LPP: variants seen among roughly 807,000 people sequenced by gnomAD.
LPP encodes LIM domain containing preferred translocation partner in lipoma.
LPP carries 38 observed loss-of-function variants against 60.4 expected under a neutral mutation model. The observed-to-expected ratio is 0.63, with a 90% CI of 0.49 to 0.83. The LOEUF is 0.83. Ranked by LOEUF, LPP falls within the 40% of genes least tolerant of loss-of-function variation. The pLI, the probability that LPP is intolerant of heterozygous loss-of-function variation, is 0.00. For synonymous variants in LPP, 328 were observed against 290.8 expected (o/e 1.13, Z -1.30); for missense variants, 902 against 783.6 (o/e 1.15, Z -1.80).
chr3:188,203,533 A>AAT (rs1732050026), intron 1 of LPP, among the ~76,000 whole-genome samples: 1 of 91,164 alleles, frequency 1.1e-5, no homozygotes, highest in Non-Finnish European at 1.9e-5. Context: ...ATAAATATAT[A>AAT]TTTAAATATA....
At chr3:188,436,575 G>C (rs1302226196) in intron 4 of LPP, among the ~76,000 whole-genome samples, 1 of 152,116 alleles carries the variant, frequency 6.6e-6, no homozygotes, top group African/African-American at 2.4e-5. Context: ...CCCGATATCT[G>C]TTCAGTACTG....
At chr3:188,435,959 G>A (rs896878917) in intron 4 of LPP, among the ~76,000 whole-genome samples, 1 of 152,016 alleles carries the variant, frequency 6.6e-6, no homozygotes, top group Non-Finnish European at 1.5e-5. Flanking sequence ...GCCATAGATC[G>A]CTTCTAAAGC....
rs189419446 is a variant in LPP at position 188,355,917 on chromosome 3, C to T, written c.-10+14198C>T. ...ACATTTGAGTTGCGTGTCTCCCACACCTCACACAAAGGCGGCTATGTTTTG... is the reference window on the plus strand; with the variant it reads ...ACATTTGAGTTGCGTGTCTCCCACATCTCACACAAAGGCGGCTATGTTTTG... On this transcript the variant is annotated intron_variant, in intron 3 of 11. Coordinates refer to ENST00000617246, the MANE Select transcript of LPP (RefSeq NM_001375462.1). Among the ~76,000 whole-genome samples, 188 of 152,256 alleles carry T rather than the reference C, an allele frequency of 1.2e-3. 1 individual carries two copies. The highest frequency in any genetic ancestry group is 2.4e-3 in the Non-Finnish European group (163 of 68,032).
At chr3:188,268,402 A>C (rs955622255) in intron 2 of LPP, among the ~76,000 whole-genome samples, 15 of 152,266 alleles carry the variant, frequency 9.9e-5, no homozygotes, top group African/African-American at 3.1e-4. Flanking sequence ...GCAGGCCCCA[A>C]ACCAGATAAT....
intron 4 of LPP, among the ~76,000 whole-genome samples, chr3:188,458,971 C>A (rs1342079879): frequency 6.6e-6 from 1 of 151,696 alleles, no homozygotes; most frequent in Non-Finnish European, 1.5e-5. Context: ...TTTGGAGAGA[C>A]CCCAGGTTGA....
intron 6 of LPP, among the ~76,000 whole-genome samples, chr3:188,602,332 A>C (rs1215400429): frequency 2.0e-5 from 3 of 150,672 alleles, no homozygotes; most frequent in African/African-American, 7.3e-5. Context: ...TGACTCAAGA[A>C]AGCAAATTTA....
chr3:188,434,223 A>G (rs1009005251), intron 4 of LPP, among the ~76,000 whole-genome samples: 16 of 152,206 alleles, frequency 1.1e-4, no homozygotes, highest in African/African-American at 3.4e-4. Flanking sequence ...AACACATAGT[A>G]CATTGACAAG....
chr3:188,573,389 A>C (rs1452527560), intron 6 of LPP, among the ~76,000 whole-genome samples: 1 of 152,016 alleles, frequency 6.6e-6, no homozygotes, highest in Non-Finnish European at 1.5e-5. Flanking sequence ...AGCCTCCCTA[A>C]AATTTCACCT....
intron 7 of LPP, among the ~76,000 whole-genome samples, chr3:188,702,365 TACGCAA>T: frequency 6.6e-6 from 1 of 151,572 alleles, no homozygotes; most frequent in Non-Finnish European, 1.5e-5. Context: ...CCGGCTGTTG[TACGCAA>T]TTTATTCTTC....
intron 4 of LPP, among the ~76,000 whole-genome samples, chr3:188,461,663 TTAAG>T (rs1423698589): frequency 1.3e-5 from 2 of 152,196 alleles, no homozygotes; most frequent in Non-Finnish European, 1.5e-5. Flanking sequence ...ACAGAATTTA[TTAAG>T]TATTTTTAAT....
At chr3:188,753,573 T>TTGTGCG (rs1553829816) in intron 8 of LPP, among the ~76,000 whole-genome samples, 1,451 of 118,224 alleles carry the variant, frequency 0.012, 14 homozygotes, top group South Asian at 0.023. Context: ...TTTTGGCTTG[T>TTGTGCG]TGTGTGCGTG....
At position 188,254,947 on chromosome 3, in the gene LPP, C is replaced by G. The variant is rs1218877947; in HGVS notation, c.-67+29420C>G. On this transcript the variant is annotated intron_variant, in intron 2 of 11. Transcript: ENST00000617246. The stretch of plus-strand genomic sequence containing the variant: ...TTCTCTGTGTAGTACTGGATAAATA[C>G]AGATAAATTCTACACCCTGACTTAC... Among the ~76,000 whole-genome samples the G allele has an allele frequency of 1.3e-5, 2 of 152,164 alleles. 1 individual carries two copies. The highest frequency in any genetic ancestry group is 2.9e-5 in the Non-Finnish European group (2 of 68,024).
intron 3 of LPP, among the ~76,000 whole-genome samples, chr3:188,350,809 A>G (rs1423622672): frequency 1.3e-5 from 2 of 152,228 alleles, no homozygotes; most frequent in African/African-American, 4.8e-5. Flanking sequence ...TAGGATGTTA[A>G]GGGAATCTAA....
Position 188,375,084 on chromosome 3 carries a change from T to A in LPP, c.-9-31028T>A, listed in dbSNP as rs535064068. ...ACTTGATCATGGTGGATAAGCTTCT[T>A]GACGTGCTGCTGGATTCGGTTTGCC... On this transcript the variant is annotated intron_variant, in intron 3 of 11. Coordinates refer to ENST00000617246, the MANE Select transcript of LPP (RefSeq NM_001375462.1). 9.6e-3 allele frequency among the ~76,000 whole-genome samples: 1,451 copies of A among 151,870 alleles called. 19 individuals are homozygous for A. Among genetic ancestry groups the A allele is most frequent in the African/African-American group, 0.032 (1,307 of 41,134 alleles).
intron 5 of LPP, among the ~76,000 whole-genome samples, chr3:188,496,806 ATC>A (rs1810366697): frequency 6.6e-6 from 1 of 152,230 alleles, no homozygotes; most frequent in South Asian, 2.1e-4. Flanking sequence ...TAAAAAATGT[ATC>A]TCTACATATT....
chr3:188,202,665 C>T (rs1215312450), intron 1 of LPP, among the ~76,000 whole-genome samples: 1 of 152,182 alleles, frequency 6.6e-6, no homozygotes, highest in East Asian at 1.9e-4. Context: ...CTGTGCTGTC[C>T]TGTAGGGTTG....
intron 1 of LPP, among the ~76,000 whole-genome samples, chr3:188,185,074 A>C (rs1278787423): frequency 6.6e-6 from 1 of 152,108 alleles, no homozygotes; most frequent in Non-Finnish European, 1.5e-5. Context: ...CCACTGGCAT[A>C]TCTTCTATCT....
chr3:188,588,772 G>C (rs1236824855), intron 6 of LPP, among the ~76,000 whole-genome samples: 1 of 152,042 alleles, frequency 6.6e-6, no homozygotes, highest in Non-Finnish European at 1.5e-5. Context: ...TTGTTTGCTG[G>C]AAACAGGATC....
intron 4 of LPP, among the ~76,000 whole-genome samples, chr3:188,473,370 CAT>C (rs2149543034): frequency 6.6e-6 from 1 of 152,270 alleles, no homozygotes; most frequent in South Asian, 2.1e-4. Flanking sequence ...TCCAGAATCA[CAT>C]ATTGCATTTT....
Sources: gnomAD v4.1 joint callset for allele counts (sites outside exome capture counted in the v4.1 genomes callset) on GRCh38, gnomAD v4.1.1 for gene constraint, MANE v1.5 for transcripts, NCBI Gene and HGNC (gene_info 2026-07-23, HGNC 2026-07-21) for gene names.